AOX1: variants seen among roughly 807,000 people sequenced by gnomAD.
AOX1 encodes aldehyde oxidase.
AOX1 carries 153 observed loss-of-function variants against 169.5 expected under a neutral mutation model. The observed-to-expected ratio is 0.90, with a 90% CI of 0.79 to 1.03. AOX1 has a LOEUF of 1.03. Ranked by LOEUF, AOX1 falls within the 50% of genes least tolerant of loss-of-function variation. The pLI, the probability that AOX1 is intolerant of heterozygous loss-of-function variation, is 0.00. For missense variants in AOX1, 1,656 were observed against 1,663.9 expected (o/e 1.00, Z 0.08); for synonymous variants, 562 against 581.9 (o/e 0.97, Z 0.49).
Position 200,605,609 on chromosome 2 carries a change from T to C in AOX1, c.888T>C (p.Val296=), listed in dbSNP as rs759556652. 6.4e-7 allele frequency: 1 copy of C among 1,551,478 alleles called. No individual in the cohort carries two copies. The highest frequency in any genetic ancestry group is 8.7e-7 in the Non-Finnish European group (1 of 1,148,744). The stretch of plus-strand genomic sequence containing the variant: ...CTGATAGAATTGAAGAACTGAGTGT[T>C]GTAAACCATGCATATAATGGTGAGT... ...ISPDRIEELS[V]VNHAYNGLTL... Residue 296 remains valine (V), a synonymous_variant, in exon 10 of 35, where the codon GTT becomes GTC. Transcript: ENST00000374700.
In AOX1 at chr2:200,620,758, C is replaced by T. The variant is rs1282848517; in HGVS notation, c.1813C>T (p.Leu605=). The T allele has an allele frequency of 1.9e-6, 3 of 1,609,598 alleles. No homozygotes were observed. The highest frequency in any genetic ancestry group is 1.7e-6 in the Non-Finnish European group (2 of 1,178,626). ...GGCCATCTACTGTGATGACATGCCTCTGGTGGACCAGGAACTTTTCTTGAC... is the reference window on the plus strand; with the variant it reads ...GGCCATCTACTGTGATGACATGCCTTTGGTGGACCAGGAACTTTTCTTGAC... ...GEAIYCDDMP[L]VDQELFLTFV... Residue 605 remains leucine, a synonymous_variant, in exon 17 of 35, where the codon CTG becomes TTG. Coordinates refer to ENST00000374700, the MANE Select transcript of AOX1 (RefSeq NM_001159.4).
Position 200,676,900 on chromosome 2 carries a change from G to A in AOX1, c.509G>A (p.Arg170Lys), listed in dbSNP as rs1246896330. The change falls in exon 5 of 5, where the codon AGG (arginine) becomes AAG (lysine). Residue 170 changes from arginine to lysine, a missense_variant. Arg to Lys is a conservative substitution (Grantham distance 26). Transcript: ENST00000439380. ...CAGGGAGCACATGGCAAGCCTGTCA[G>A]GCGGACACAGGAACAGGTGCTTTTG... 12 of 470,756 alleles carry A rather than the reference G, an allele frequency of 2.5e-5. 1 individual carries two copies. The highest frequency in any genetic ancestry group is 1.9e-4 in the South Asian group (12 of 64,540). 29.2% of individuals were successfully genotyped at this position (470,756 alleles called of 1,614,324 possible).
intron 20 of AOX1, 150 bp downstream of exon 20, chr2:200,627,599 T>C (rs2035033716): frequency 1.6e-6 from 1 of 611,952 alleles, no homozygotes; most frequent in Non-Finnish European, 2.9e-6. Flanking sequence ...ACAAATGTGT[T>C]TCCCTCCGTC....
rs767540453 is a variant in AOX1, at chr2:200,612,777, C to T, written c.1432C>T (p.Gln478Ter). The change falls in exon 14 of 35, where the codon CAG (glutamine) becomes TAG (stop). Residue 478 changes from glutamine (Q) to a stop codon, truncating the protein, a stop_gained. Coordinates refer to ENST00000374700, the MANE Select transcript of AOX1 (RefSeq NM_001159.4). LOFTEE classifies it high-confidence loss of function. ...PATICAKNSCQKLIGRHWNEQ... is the reference protein window; with the variant it reads ...PATICAKNSC Reference sequence around the variant, plus strand: ...CACCATCTGTGCCAAGAATTCCTGCCAGAAACTCATTGGAAGGTAAGGCAT... The same window carrying T: ...CACCATCTGTGCCAAGAATTCCTGCTAGAAACTCATTGGAAGGTAAGGCAT... 1 of 1,613,536 alleles carries T rather than the reference C, an allele frequency of 6.2e-7. No homozygotes were observed. The highest frequency in any genetic ancestry group is 1.7e-5 in the Admixed American group (1 of 59,974).
intron 6 of AOX1, among the ~76,000 whole-genome samples, chr2:200,602,622 G>T (rs887999053): frequency 4.6e-5 from 7 of 152,068 alleles, no homozygotes; most frequent in Non-Finnish European, 1.0e-4. Flanking sequence ...CCTGGGTCAG[G>T]TACCCTGGCC....
Position 200,611,443 on chromosome 2 carries a change from C to G in AOX1, c.1213C>G (p.Leu405Val). Residue 405 changes from leucine to valine, a missense_variant, in exon 13 of 35, where the codon CTT becomes GTT. Transcript: ENST00000374700. The part of the protein sequence containing the change: ...QFLSKCPNAD[L>V]KPQEILVSVN... ...CCTCAGCAAGTGCCCTAATGCAGAT[C>G]TTAAGCCTCAAGAAATCTTGGTCTC... The G allele has an allele frequency of 1.2e-6, 2 of 1,614,048 alleles. No individual in the cohort carries two copies. Among genetic ancestry groups the G allele is most frequent in the Non-Finnish European group, 1.7e-6 (2 of 1,179,920 alleles).
At chr2:200,648,225 A>G (rs2105754785) in intron 25 of AOX1, among the ~76,000 whole-genome samples, 1 of 152,262 alleles carries the variant, frequency 6.6e-6, no homozygotes, top group East Asian at 1.9e-4. Context: ...AGGCTCTGTC[A>G]GAAGGAAAGT....
At chr2:200,605,797 G>A (rs1027075970) in intron 10 of AOX1, among the ~76,000 whole-genome samples, 169 bp downstream of exon 10, 5 of 152,170 alleles carry the variant, frequency 3.3e-5, no homozygotes, top group African/African-American at 9.7e-5. Context: ...CTTTTGAGGA[G>A]TGTCTGTTCA....
At position 200,651,013 on chromosome 2, in the gene AOX1, C is replaced by T. The variant is rs1354659192; in HGVS notation, c.2887C>T (p.Pro963Ser). ...CATGTACAAGGAAATTGATCAAACA[C>T]CCTACAAACAAGAGATCAATGCCAA... ...INMYKEIDQT[P>S]YKQEINAKNL... is the part of the protein sequence containing the mutation. Residue 963 changes from proline (P) to serine (S), a missense_variant, in exon 26 of 35, where the codon CCC (proline) becomes TCC (serine). Physicochemically the swap from Pro to Ser is moderately conservative, Grantham distance 74 (BLOSUM62 -1). Transcript: ENST00000374700. 6.2e-7 allele frequency: 1 copy of T among 1,614,178 alleles called. No homozygotes were observed. The highest frequency in any genetic ancestry group is 8.5e-7 in the Non-Finnish European group (1 of 1,180,038).
chr2:200,657,161 CAA>C (rs67071824), intron 27 of AOX1, among the ~76,000 whole-genome samples: 48 of 83,010 alleles, frequency 5.8e-4, no homozygotes, highest in African/African-American at 2.2e-3. Flanking sequence ...CCATCTCTAC[CAA>C]AAATATATAT....
chr2:200,593,470 AGCATCCT>A (rs1308565932), intron 2 of AOX1, among the ~76,000 whole-genome samples: 1 of 76,944 alleles, frequency 1.3e-5, no homozygotes, highest in East Asian at 4.5e-4. Context: ...GACCTAACTA[AGCATCCT>A]TTAGAATTAG....
At chr2:200,608,083 A>G (rs1048958538) in intron 10 of AOX1, among the ~76,000 whole-genome samples, 10 of 152,212 alleles carry the variant, frequency 6.6e-5, no homozygotes, top group African/African-American at 1.9e-4. Context: ...ATGTATACCT[A>G]TGTAACAAAC....
intron 9 of AOX1, among the ~76,000 whole-genome samples, 185 bp downstream of exon 9, chr2:200,605,025 T>C (rs1386963168): frequency 1.3e-5 from 2 of 152,224 alleles, no homozygotes; most frequent in African/African-American, 2.4e-5. Context: ...TGTTATTAAG[T>C]AGATTCCTCT....
chr2:200,662,816 G>A (rs757117020), intron 30 of AOX1, 39 bp from the exon 31 acceptor site: 55 of 1,525,384 alleles, frequency 3.6e-5, no homozygotes, highest in Admixed American at 8.4e-5. Context: ...CTGCAATTAG[G>A]GGACGTGATC....
At chr2:200,680,447 G>C (rs1361577181), downstream of AOX1, among the ~76,000 whole-genome samples, 1 of 152,212 alleles carries the variant, frequency 6.6e-6, no homozygotes. Context: ...AGGGGAGGAA[G>C]GTCACTAGCC....
Position 200,634,890 on chromosome 2 carries a change from C to T in AOX1, c.2321C>T (p.Ser774Phe), listed in dbSNP as rs1559248223. The T allele has an allele frequency of 1.2e-6, 2 of 1,614,016 alleles. No individual in the cohort carries two copies. Among genetic ancestry groups the T allele is most frequent in the Non-Finnish European group, 1.7e-6 (2 of 1,179,922 alleles). The change falls in exon 21 of 35, where the codon TCC becomes TTC. Residue 774 changes from serine (S) to phenylalanine (F), a missense_variant. Physicochemically the swap from Ser to Phe is radical, Grantham distance 155 (BLOSUM62 -2). Transcript: ENST00000374700. ...GATCAAGAAATGGATGTCTACGTGT[C>T]CACACAGTTTCCCAAATATATACAG... ...GEDQEMDVYV[S>F]TQFPKYIQDI...
chr2:200,669,877 T>C, intron 34 of AOX1, 135 bp downstream of exon 34: 1 of 911,238 alleles, frequency 1.1e-6, no homozygotes, highest in African/African-American at 1.7e-5. Context: ...CCTGGGGGCA[T>C]TTGAGCAGAT....
chr2:200,657,191 T>TATATATATATATATATA (rs1491522418), intron 27 of AOX1, among the ~76,000 whole-genome samples: 11 of 45,490 alleles, frequency 2.4e-4, no homozygotes, highest in South Asian at 9.3e-4. Flanking sequence ...TATATATATA[T>TATATATATATATATATA]TTTTTTTTTT....
Position 200,627,464 on chromosome 2 carries a change from A to C in AOX1, c.2221+15A>C. The C allele has an allele frequency of 6.4e-7, 1 of 1,553,206 alleles. No homozygotes were observed. On this transcript the variant is annotated intron_variant, in intron 20 of 34. Coordinates refer to ENST00000374700, the MANE Select transcript of AOX1 (RefSeq NM_001159.4). ...AATTCTTGAAGGTAAAAAGTAATGGAAGAGTAAACAACCCTGGAAGTCTTC... is the reference window on the plus strand; with the variant it reads ...AATTCTTGAAGGTAAAAAGTAATGGCAGAGTAAACAACCCTGGAAGTCTTC...
Sources: allele counts gnomAD v4.1 joint callset (sites outside exome capture counted in the v4.1 genomes callset), GRCh38; gene constraint gnomAD v4.1.1; transcripts MANE v1.5; gene names NCBI Gene and HGNC (gene_info 2026-07-23, HGNC 2026-07-21).